The following GLIS3 variants were observed in gnomAD, a reference collection of about 807,000 sequenced individuals.
GLIS3 encodes GLIS family zinc finger 3.
In GLIS3, 53 loss-of-function variants were observed where a neutral mutation model predicts 78.6. The ratio of observed to expected loss-of-function variants is 0.67; its 90% CI spans 0.54 to 0.85. The LOEUF is 0.85. GLIS3 is among the 40% of genes least tolerant of loss of function. The pLI is 0.00. For missense variants in GLIS3, 1,703 were observed against 1,231.1 expected, an observed-to-expected ratio of 1.38 and a Z score of -5.74; for synonymous variants, 684 against 509.9, an observed-to-expected ratio of 1.34 and a Z score of -4.60.
chr9:4,391,550 G>GGTGTGTGT, the GLIS3 span, among the ~76,000 whole-genome samples: 25 of 146,084 alleles, frequency 1.7e-4, no homozygotes, highest in African/African-American at 5.9e-4. Flanking sequence ...TTCTAAGAGG[G>GGTGTGTGT]GTGTGTGTGT....
intron 1 of GLIS3, among the ~76,000 whole-genome samples, chr9:4,291,810 T>C (rs557516652): frequency 4.6e-5 from 7 of 152,270 alleles, no homozygotes; most frequent in South Asian, 2.1e-4. Context: ...TAACCTCTCT[T>C]AGAATCTCCT....
intron 4 of GLIS3, among the ~76,000 whole-genome samples, chr9:3,950,119 T>C (rs950744469): frequency 3.9e-5 from 6 of 152,130 alleles, no homozygotes; most frequent in Non-Finnish European, 8.8e-5. Flanking sequence ...CTCCCACATA[T>C]CCATCTCTAA....
At chr9:4,212,729 G>C (rs1377117346) in intron 2 of GLIS3, among the ~76,000 whole-genome samples, 1 of 152,234 alleles carries the variant, frequency 6.6e-6, no homozygotes, top group African/African-American at 2.4e-5. Flanking sequence ...AGGCAAGAGA[G>C]ATAGAACATG....
At chr9:4,470,760 A>C in the GLIS3 span, among the ~76,000 whole-genome samples, 16 of 150,562 alleles carry the variant, frequency 1.1e-4, no homozygotes, top group African/African-American at 1.2e-4. Flanking sequence ...CCAGGGCAAT[A>C]AGGCAGGAGA....
At chr9:3,829,826 C>A (rs1479410836) in intron 9 of GLIS3, among the ~76,000 whole-genome samples, 2 of 152,184 alleles carry the variant, frequency 1.3e-5, no homozygotes, top group Non-Finnish European at 2.9e-5. Context: ...ACCCTAGACT[C>A]TCCCGTCGGC....
At chr9:4,268,694 G>A (rs1387828066) in intron 2 of GLIS3, among the ~76,000 whole-genome samples, 2 of 152,290 alleles carry the variant, frequency 1.3e-5, no homozygotes, top group South Asian at 2.1e-4. Flanking sequence ...CAAGATAGGT[G>A]GTGATACCCC....
chr9:3,987,221 G>A (rs1364799954), intron 4 of GLIS3, among the ~76,000 whole-genome samples: 1 of 152,094 alleles, frequency 6.6e-6, no homozygotes, highest in South Asian at 2.1e-4. Context: ...AGAGGTGAGA[G>A]AGGACAAAAT....
At chr9:4,110,775 G>A (rs189083171) in intron 4 of GLIS3, among the ~76,000 whole-genome samples, 169 of 152,160 alleles carry the variant, frequency 1.1e-3, no homozygotes, top group Non-Finnish European at 2.1e-3. Flanking sequence ...AGCAATTACA[G>A]TAGAAACTAA....
the GLIS3 span, among the ~76,000 whole-genome samples, chr9:4,484,544 G>A: frequency 8.7e-5 from 13 of 149,474 alleles, no homozygotes; most frequent in East Asian, 8.0e-4. Context: ...TCAGCCTCCC[G>A]GGTAGCTGGG....
At chr9:4,085,567 T>A (rs1292655205) in intron 4 of GLIS3, among the ~76,000 whole-genome samples, 1 of 152,092 alleles carries the variant, frequency 6.6e-6, no homozygotes, top group East Asian at 1.9e-4. Context: ...ACCATCAAAA[T>A]TATTGACATA....
rs572283262 is a variant in GLIS3 at position 3,987,500 on chromosome 9, G to A, written c.1711-50311C>T. The stretch of plus-strand genomic sequence containing the variant: ...GTGGATCACCTGAGGTCAGGAGTTC[G>A]AGACCAGCCTGGCCAACATGGTGAA... On this transcript the variant is annotated intron_variant, in intron 4 of 10. Transcript: ENST00000381971. Among the ~76,000 whole-genome samples, 214 of 151,666 alleles carry A rather than the reference G, an allele frequency of 1.4e-3. 1 individual carries two copies. The highest frequency in any genetic ancestry group is 2.5e-3 in the Non-Finnish European group (168 of 67,888).
At chr9:3,883,085 C>T (rs951889786) in intron 7 of GLIS3, among the ~76,000 whole-genome samples, 1 of 152,068 alleles carries the variant, frequency 6.6e-6, no homozygotes, top group Non-Finnish European at 1.5e-5. Context: ...ATCTCACATA[C>T]CCTTCAAAAA....
intron 4 of GLIS3, among the ~76,000 whole-genome samples, chr9:3,978,464 T>A (rs1393291958): frequency 6.6e-6 from 1 of 152,092 alleles, no homozygotes; most frequent in Non-Finnish European, 1.5e-5. Context: ...TGCTTAATAA[T>A]ATGGGTATTA....
intron 3 of GLIS3, among the ~76,000 whole-genome samples, chr9:4,119,908 T>C (rs1012848304): frequency 3.9e-5 from 6 of 152,308 alleles, no homozygotes; most frequent in East Asian, 1.9e-4. Context: ...GTGAAAATAA[T>C]TGAGAAGAAA....
intron 2 of GLIS3, among the ~76,000 whole-genome samples, chr9:4,315,729 C>T (rs912376164): frequency 6.6e-6 from 1 of 152,146 alleles, no homozygotes; most frequent in African/African-American, 2.4e-5. Flanking sequence ...TCTTGAGATA[C>T]TGCTCTTAAC....
intron 4 of GLIS3, among the ~76,000 whole-genome samples, chr9:4,084,786 C>T (rs770106963): frequency 2.6e-5 from 4 of 152,062 alleles, no homozygotes; most frequent in African/African-American, 7.2e-5. Context: ...TGTGGACTGA[C>T]GCTGTTTCTA....
chr9:3,980,159 A>C (rs1819135288), intron 4 of GLIS3, among the ~76,000 whole-genome samples: 1 of 152,154 alleles, frequency 6.6e-6, no homozygotes, highest in Non-Finnish European at 1.5e-5. Flanking sequence ...ATTTTGTTTA[A>C]AGTAAGAGGT....
chr9:4,390,614 A>C, the GLIS3 span, among the ~76,000 whole-genome samples: 1 of 152,116 alleles, frequency 6.6e-6, no homozygotes, highest in African/African-American at 2.4e-5. Context: ...CCTCATACAG[A>C]TATCTGTGGT....
the GLIS3 span, among the ~76,000 whole-genome samples, chr9:4,371,560 C>A: frequency 1.3e-5 from 2 of 152,156 alleles, no homozygotes; most frequent in African/African-American, 4.8e-5. Context: ...ATGGGGACAC[C>A]CTACCACCCC....
Sources: gnomAD v4.1 joint callset for allele counts (sites outside exome capture counted in the v4.1 genomes callset) on GRCh38, gnomAD v4.1.1 for gene constraint, MANE v1.5 for transcripts, NCBI Gene and HGNC (gene_info 2026-07-23, HGNC 2026-07-21) for gene names.